Variants in DAPK2 observed in about 807,000 individuals in gnomAD.
The protein encoded by DAPK2 is death-associated protein kinase 2.
Under a neutral mutation model 44.1 loss-of-function variants are expected in DAPK2, and 35 were observed. The observed-to-expected ratio is 0.79, with a 90% CI of 0.61 to 1.05. DAPK2 has a LOEUF of 1.05. Among genes scored for constraint, DAPK2 ranks in the 50% least tolerant of loss-of-function variants. The pLI is 0.00. For missense variants in DAPK2, 453 were observed against 483.2 expected (o/e 0.94, Z 0.59); for synonymous variants, 174 against 182.6 (o/e 0.95, Z 0.38).
intron 1 of DAPK2, among the ~76,000 whole-genome samples, chr15:63,986,971 G>C (rs1055688252): frequency 5.3e-5 from 8 of 152,182 alleles, no homozygotes; most frequent in Non-Finnish European, 8.8e-5. Flanking sequence ...TCTCTGATCT[G>C]ATCATTTCAG....
intron 1 of DAPK2, among the ~76,000 whole-genome samples, chr15:64,006,694 A>G (rs2079239830): frequency 6.6e-6 from 1 of 152,230 alleles, no homozygotes; most frequent in South Asian, 2.1e-4. Flanking sequence ...ACTTGCCCAC[A>G]TCACCTATTC....
At chr15:63,988,049 G>A (rs907705599) in intron 1 of DAPK2, among the ~76,000 whole-genome samples, 8 of 152,092 alleles carry the variant, frequency 5.3e-5, no homozygotes, top group East Asian at 1.9e-4. Context: ...GGATGGTTTC[G>A]TGAGGGACAG....
intron 2 of DAPK2, 107 bp downstream of exon 3, chr15:63,983,426 G>T: frequency 2.0e-6 from 2 of 995,044 alleles, no homozygotes; most frequent in Non-Finnish European, 3.1e-6. Context: ...TCTGGGCTGA[G>T]CTTAGGCCTG....
chr15:63,995,481 T>C (rs2078928864), intron 1 of DAPK2, among the ~76,000 whole-genome samples: 1 of 152,226 alleles, frequency 6.6e-6, no homozygotes, highest in African/African-American at 2.4e-5. Context: ...CAGAAGGTGG[T>C]AACAAGTTTT....
At chr15:63,989,188 C>CAAAAA (rs55972299) in intron 1 of DAPK2, among the ~76,000 whole-genome samples, 1 of 109,842 alleles carries the variant, frequency 9.1e-6, no homozygotes, top group Non-Finnish European at 1.8e-5. Context: ...ACTTTGTCTC[C>CAAAAA]AAAAAAAAAA....
intron 4 of DAPK2, among the ~76,000 whole-genome samples, chr15:63,931,415 A>T (rs1174659916): frequency 6.6e-6 from 1 of 151,962 alleles, no homozygotes; most frequent in Middle Eastern, 3.2e-3. Context: ...AGAGGAAGGT[A>T]CAGGAAGGAG....
intron 1 of DAPK2, among the ~76,000 whole-genome samples, chr15:63,993,492 T>G (rs2078870579): frequency 6.6e-6 from 1 of 152,070 alleles, no homozygotes; most frequent in Non-Finnish European, 1.5e-5. Flanking sequence ...GAGAGATTCT[T>G]GATGTAAGAA....
At chr15:63,947,987 G>C (rs948309454) in intron 3 of DAPK2, among the ~76,000 whole-genome samples, 1 of 152,116 alleles carries the variant, frequency 6.6e-6, no homozygotes, top group African/African-American at 2.4e-5. Context: ...TGAAATACCT[G>C]ATGGGCGCAG....
intron 1 of DAPK2, among the ~76,000 whole-genome samples, chr15:64,025,434 G>A (rs1398853603): frequency 6.6e-6 from 1 of 152,160 alleles, no homozygotes; most frequent in South Asian, 2.1e-4. Flanking sequence ...GGTGGACAGT[G>A]CTTCTGGGCT....
intron 8 of DAPK2, chr15:63,920,899 G>T: frequency 6.6e-6 from 1 of 152,350 alleles, no homozygotes; most frequent in East Asian, 1.9e-4. Context: ...TGGTATGATG[G>T]CTCTGTTGGG....
intron 3 of DAPK2, among the ~76,000 whole-genome samples, chr15:63,949,777 C>T (rs956383723): frequency 4.6e-5 from 7 of 152,192 alleles, no homozygotes; most frequent in African/African-American, 1.7e-4. Flanking sequence ...TCTACCCATC[C>T]TAGCTCTGTG....
intron 3 of DAPK2, among the ~76,000 whole-genome samples, chr15:63,956,168 T>C (rs1217364400): frequency 6.6e-6 from 1 of 152,182 alleles, no homozygotes; most frequent in Non-Finnish European, 1.5e-5. Context: ...TCTGATTTTA[T>C]TTATTTGGGT....
At chr15:64,019,528 T>C (rs772784703) in intron 1 of DAPK2, among the ~76,000 whole-genome samples, 1 of 152,214 alleles carries the variant, frequency 6.6e-6, no homozygotes. Context: ...GTCTAATACA[T>C]TGTCCTTTTC....
chr15:63,932,409 T>C (rs1014337359), intron 4 of DAPK2, among the ~76,000 whole-genome samples: 6 of 137,876 alleles, frequency 4.4e-5, no homozygotes, highest in African/African-American at 1.7e-4. Context: ...AGGTTGCAGT[T>C]GAGCTGAAAT....
At chr15:63,973,430 A>T (rs1349334659) in intron 2 of DAPK2, among the ~76,000 whole-genome samples, 2 of 152,178 alleles carry the variant, frequency 1.3e-5, no homozygotes, top group Non-Finnish European at 2.9e-5. Flanking sequence ...ATTCTTCTCA[A>T]TGTTTTGTAC....
intron 3 of DAPK2, among the ~76,000 whole-genome samples, chr15:63,960,355 T>C (rs983135943): frequency 5.3e-5 from 8 of 152,226 alleles, no homozygotes; most frequent in Non-Finnish European, 1.0e-4. Flanking sequence ...TCTCCTTCAG[T>C]TCTGCTCTGA....
At chr15:64,037,598 C>T (rs898458913) in intron 1 of DAPK2, among the ~76,000 whole-genome samples, 2 of 152,138 alleles carry the variant, frequency 1.3e-5, no homozygotes, top group Non-Finnish European at 1.5e-5. Context: ...GCGTGGCACA[C>T]AGTAGGTCCT....
chr15:64,046,328 CGCGGCAGGCGCGGCGGGA>C (rs1301813337), upstream of DAPK2: 136 of 200,516 alleles, frequency 6.8e-4, 9 homozygotes, highest in African/African-American at 7.5e-3. The surrounding 1 kb of genome is among the most constrained non-coding windows in gnomAD (Gnocchi z 5.3). Context: ...CGGTCGCGGC[CGCGGCAGGCGCGGCGGGA>C]GCGGCGGGCG....
intron 2 of DAPK2, among the ~76,000 whole-genome samples, chr15:63,973,757 C>T (rs1044697229): frequency 6.6e-6 from 1 of 152,180 alleles, no homozygotes; most frequent in African/African-American, 2.4e-5. Context: ...GGGGCAGAGA[C>T]AGAATGCCAG....
Sources: allele counts gnomAD v4.1 joint callset (sites outside exome capture counted in the v4.1 genomes callset), GRCh38; gene constraint gnomAD v4.1.1; non-coding constraint Gnocchi (gnomAD v3.1); transcripts MANE v1.5; gene names NCBI Gene and HGNC (gene_info 2026-07-23, HGNC 2026-07-21).